Variants in C10orf67 observed in about 807,000 individuals in gnomAD.
The protein encoded by C10orf67 is uncharacterized protein C10orf67, mitochondrial.
In C10orf67, 60 loss-of-function variants were observed where a neutral mutation model predicts 35.6. The ratio of observed to expected loss-of-function variants is 1.68; its 90% CI spans 1.37 to 2.09. The LOEUF (loss-of-function observed/expected upper bound fraction) is 2.09, where lower values mean the gene tolerates loss of function less well. C10orf67 is among the 30% of genes most tolerant of loss of function. The pLI is 0.00. For synonymous variants in C10orf67, 167 were observed against 115.8 expected, an observed-to-expected ratio of 1.44 and a Z score of -2.84; for missense variants, 474 against 330.2, an observed-to-expected ratio of 1.44 and a Z score of -3.38.
intron 7 of C10orf67, among the ~76,000 whole-genome samples, chr10:23,283,172 C>T (rs1015849709): frequency 2.6e-5 from 4 of 152,112 alleles, no homozygotes; most frequent in African/African-American, 9.7e-5. Context: ...ATTTCATATA[C>T]TCTGTAAATA....
intron 4 of C10orf67, among the ~76,000 whole-genome samples, chr10:23,311,398 A>G (rs1353347733): frequency 6.6e-6 from 1 of 152,304 alleles, no homozygotes; most frequent in East Asian, 1.9e-4. Flanking sequence ...CAATTCACTT[A>G]TCAAACACAG....
In C10orf67 at chr10:23,227,267, G is replaced by T. The variant is rs1841766767; in HGVS notation, c.1435-3449C>A. Among the ~76,000 whole-genome samples the T allele has an allele frequency of 2.6e-5, 4 of 152,206 alleles. No individual in the cohort carries two copies. The South Asian group carries it at 8.3e-4, about 32-fold the overall frequency. On this transcript the variant is annotated intron_variant, in intron 13 of 15. Coordinates refer to ENST00000636213, the MANE Select transcript of C10orf67 (RefSeq NM_001371909.1). ...ATCAAGTGGGCTTCATCCCTGGGAT[G>T]CAAGGCTGGTTCAACATATGCAAAT... is the stretch of plus-strand genomic sequence containing the variant.
At chr10:23,343,920 G>A (rs1279287945) in intron 1 of C10orf67, 1 of 466,354 alleles carries the variant, frequency 2.1e-6, no homozygotes, top group Admixed American at 2.4e-5. Context: ...GGTTGAACTG[G>A]AATTGTTCAA....
chr10:23,210,421 A>T (rs1841276611), intron 15 of C10orf67, among the ~76,000 whole-genome samples: 1 of 151,328 alleles, frequency 6.6e-6, no homozygotes, highest in Admixed American at 6.6e-5. Context: ...CTCAGACTCA[A>T]TTTTTTTTTC....
intron 4 of C10orf67, among the ~76,000 whole-genome samples, chr10:23,310,786 T>C (rs1019798503): frequency 6.6e-6 from 1 of 152,168 alleles, no homozygotes; most frequent in Admixed American, 6.5e-5. Context: ...CTCTCTCCCA[T>C]TTACAGGTCA....
intron 15 of C10orf67, among the ~76,000 whole-genome samples, chr10:23,204,484 T>C (rs1020813410): frequency 2.6e-5 from 4 of 152,142 alleles, no homozygotes; most frequent in Non-Finnish European, 4.4e-5. Context: ...AGCCAAGCTT[T>C]GCTCTGAGAC....
intron 7 of C10orf67, among the ~76,000 whole-genome samples, chr10:23,284,179 C>T (rs1168122744): frequency 6.6e-6 from 1 of 151,382 alleles, no homozygotes; most frequent in Non-Finnish European, 1.5e-5. Flanking sequence ...TTGCTCCTTT[C>T]CATTCTTCCA....
At chr10:23,224,722 G>A (rs1055736813) in intron 13 of C10orf67, among the ~76,000 whole-genome samples, 3 of 152,194 alleles carry the variant, frequency 2.0e-5, no homozygotes, top group Non-Finnish European at 4.4e-5. Context: ...CAAGAACTAC[G>A]TGACGAATGC....
Position 23,333,089 on chromosome 10 carries a change from C to G in C10orf67, c.300G>C (p.Leu100Phe), listed in dbSNP as rs1845545075. Residue 100 changes from leucine to phenylalanine, a missense_variant, in exon 2 of 16, where the codon TTG (leucine) becomes TTC (phenylalanine). Leu to Phe is a conservative substitution (Grantham distance 22). Transcript: ENST00000636213. The stretch of plus-strand genomic sequence containing the variant: ...GTGCTAACTTTTGCGTAGATGAACT[C>G]AATTCTTTTACTGACAGTATTTCAC... ...DSSEILSVKE[L>F]SSSTQKLAQM... The G allele has an allele frequency of 6.2e-7, 1 of 1,611,962 alleles. No homozygotes were observed. Among genetic ancestry groups the G allele is most frequent in the African/African-American group, 1.3e-5 (1 of 74,894 alleles).
chr10:23,255,944 A>G (rs1732697119), intron 10 of C10orf67, among the ~76,000 whole-genome samples: 2 of 151,986 alleles, frequency 1.3e-5, no homozygotes, highest in South Asian at 4.2e-4. Flanking sequence ...TTTCTTAAAA[A>G]TTTTCTTCTT....
intron 15 of C10orf67, among the ~76,000 whole-genome samples, chr10:23,214,642 C>A (rs1439773816): frequency 6.6e-6 from 1 of 151,976 alleles, no homozygotes; most frequent in South Asian, 2.1e-4. Flanking sequence ...AATTAATAAA[C>A]CAAAAATTAG....
At chr10:23,329,690 C>T (rs1362651029) in intron 2 of C10orf67, among the ~76,000 whole-genome samples, 1 of 148,742 alleles carries the variant, frequency 6.7e-6, no homozygotes, top group Non-Finnish European at 1.5e-5. Context: ...ATCCCAGCTA[C>T]TCAGGAGGCT....
At chr10:23,248,617 A>C (rs1202194739) in intron 12 of C10orf67, among the ~76,000 whole-genome samples, 1 of 152,186 alleles carries the variant, frequency 6.6e-6, no homozygotes, top group East Asian at 1.9e-4. Flanking sequence ...AGTTACAGTA[A>C]AATGAAATTA....
chr10:23,310,175 T>G (rs1472788106), intron 4 of C10orf67, among the ~76,000 whole-genome samples: 1 of 152,202 alleles, frequency 6.6e-6, no homozygotes, highest in Non-Finnish European at 1.5e-5. Flanking sequence ...TGGCTTTATT[T>G]TTTTAACTTA....
At chr10:23,274,277 C>T (rs1843116472) in intron 8 of C10orf67, among the ~76,000 whole-genome samples, 1 of 152,144 alleles carries the variant, frequency 6.6e-6, no homozygotes, top group Admixed American at 6.5e-5. Context: ...TAACAGGAAA[C>T]AGCGTTCGGG....
intron 14 of C10orf67, 32 bp downstream of exon 14, chr10:23,223,712 A>G (rs1841654180): frequency 2.8e-6 from 2 of 716,754 alleles, no homozygotes; most frequent in Non-Finnish European, 5.2e-6. Context: ...TTAACTCAGT[A>G]AATATTTAAT....
At chr10:23,279,432 T>A (rs1324397869) in intron 8 of C10orf67, among the ~76,000 whole-genome samples, 1 of 152,246 alleles carries the variant, frequency 6.6e-6, no homozygotes. Flanking sequence ...GCTTGAGGCA[T>A]GCCTCGGAGG....
At chr10:23,295,134 C>T (rs1843843518) in intron 5 of C10orf67, among the ~76,000 whole-genome samples, 1 of 152,164 alleles carries the variant, frequency 6.6e-6, no homozygotes, top group Non-Finnish European at 1.5e-5. Context: ...ATCAGAATCA[C>T]CTCACCTTCC....
At chr10:23,245,649 T>C (rs1208751984) in intron 12 of C10orf67, among the ~76,000 whole-genome samples, 1 of 151,972 alleles carries the variant, frequency 6.6e-6, no homozygotes, top group Non-Finnish European at 1.5e-5. Flanking sequence ...AAAACCACAA[T>C]AAGATATCAC....
Sources: allele counts gnomAD v4.1 joint callset (sites outside exome capture counted in the v4.1 genomes callset), GRCh38; gene constraint gnomAD v4.1.1; transcripts MANE v1.5; gene names NCBI Gene and HGNC (gene_info 2026-07-23, HGNC 2026-07-21).